The following MAGI2 variants were observed in gnomAD, a reference collection of about 807,000 sequenced individuals.
MAGI2 encodes membrane associated guanylate kinase, WW and PDZ domain containing 2.
In MAGI2, 35 loss-of-function variants were observed where a neutral mutation model predicts 133.3. The ratio of observed to expected loss-of-function variants is 0.26; its 90% CI spans 0.20 to 0.35. The LOEUF (loss-of-function observed/expected upper bound fraction) is 0.35. MAGI2 is among the 10% of genes least tolerant of loss of function. MAGI2 has a pLI of 1.00. For synonymous variants in MAGI2, 729 were observed against 710.6 expected (o/e 1.03, Z -0.41); for missense variants, 1,636 against 1,863.4 (o/e 0.88, Z 2.25).
At chr7:78,269,473 A>T (rs886075833) in intron 9 of MAGI2, among the ~76,000 whole-genome samples, 1 of 152,210 alleles carries the variant, frequency 6.6e-6, no homozygotes, top group East Asian at 1.9e-4. Context: ...AATGATTGCC[A>T]TTCTAACTGG....
chr7:78,542,304 A>C (rs1331052181), intron 3 of MAGI2, among the ~76,000 whole-genome samples: 2 of 152,138 alleles, frequency 1.3e-5, no homozygotes, highest in Non-Finnish European at 2.9e-5. Flanking sequence ...TGATTTTTAA[A>C]TTTTTCATTA....
intron 9 of MAGI2, among the ~76,000 whole-genome samples, chr7:78,278,457 C>T (rs1453224358): frequency 6.6e-6 from 1 of 152,070 alleles, no homozygotes; most frequent in East Asian, 1.9e-4. Flanking sequence ...TGAAATAATA[C>T]AAGTTAAAGA....
chr7:78,258,456 C>T (rs1459014066), intron 9 of MAGI2, among the ~76,000 whole-genome samples: 4 of 152,146 alleles, frequency 2.6e-5, no homozygotes, highest in Non-Finnish European at 5.9e-5. Flanking sequence ...ATGATTGGAA[C>T]ATTGCTCATA....
intron 20 of MAGI2, among the ~76,000 whole-genome samples, chr7:78,084,792 C>T (rs911224703): frequency 1.2e-4 from 19 of 152,180 alleles, no homozygotes; most frequent in African/African-American, 4.3e-4. Context: ...GATGCCTGTG[C>T]CCTAATGGCC....
chr7:78,412,504 G>A lies in MAGI2; in HGVS notation c.1046-43291C>T, dbSNP rs548118541. On this transcript the variant is annotated intron_variant, in intron 6 of 21. Transcript: ENST00000354212. ...GAGCTGGAGTTTAGATGTTAGAAAG[G>A]AAGGATAAAGTAACAAGTAATGAAA... Among the ~76,000 whole-genome samples the A allele has an allele frequency of 8.5e-5, 13 of 152,162 alleles. No individual in the cohort carries two copies. In the South Asian group the frequency reaches 2.5e-3, roughly 29 times the overall value.
At chr7:78,753,650 C>T (rs1163839799) in intron 2 of MAGI2, among the ~76,000 whole-genome samples, 5 of 151,840 alleles carry the variant, frequency 3.3e-5, no homozygotes, top group Admixed American at 3.3e-4. Flanking sequence ...TCAAATCAAA[C>T]TAACTGATTA....
chr7:79,386,265 A>C (rs932481275), intron 1 of MAGI2, among the ~76,000 whole-genome samples: 2 of 152,084 alleles, frequency 1.3e-5, no homozygotes, highest in African/African-American at 4.8e-5. Context: ...ATAGATATGC[A>C]TTTAACAAAT....
intron 10 of MAGI2, among the ~76,000 whole-genome samples, chr7:78,234,643 T>TG (rs879895990): frequency 0.39 from 43,834 of 112,402 alleles, 7,501 homozygotes; most frequent in Admixed American, 0.48. Flanking sequence ...ATAATGAATA[T>TG]ATTTCATATT....
chr7:78,731,195 T>G (rs1821339832), intron 2 of MAGI2, among the ~76,000 whole-genome samples: 2 of 152,162 alleles, frequency 1.3e-5, no homozygotes, highest in Admixed American at 1.3e-4. Context: ...AATAAGAGTG[T>G]ATTTATAGAG....
At chr7:78,442,810 C>G (rs1787758739) in intron 6 of MAGI2, among the ~76,000 whole-genome samples, 1 of 152,134 alleles carries the variant, frequency 6.6e-6, no homozygotes, top group Non-Finnish European at 1.5e-5. Flanking sequence ...ATTTGGTATT[C>G]ACTGTTTTTG....
chr7:79,024,499 A>AT (rs1762693968), intron 1 of MAGI2, among the ~76,000 whole-genome samples: 1 of 148,460 alleles, frequency 6.7e-6, no homozygotes, highest in African/African-American at 2.5e-5. Flanking sequence ...TAATTAAACC[A>AT]AAGAGCTTCT....
chr7:78,131,872 T>C (rs1324139340), intron 18 of MAGI2, among the ~76,000 whole-genome samples: 2 of 152,220 alleles, frequency 1.3e-5, no homozygotes, highest in East Asian at 3.9e-4. Context: ...TCAGTAAAAA[T>C]GCTAATTTAT....
At position 79,061,589 on chromosome 7, in the gene MAGI2, T is replaced by C. The variant is rs913973225; in HGVS notation, c.302-54383A>G. ...TGAAAAAGAAGAAAAAAAGAAGATG[T>C]GATGAAGATAGGGAATTATTAAAGA... On this transcript the variant is annotated intron_variant, in intron 1 of 21. Transcript: ENST00000354212. Among the ~76,000 whole-genome samples the C allele has an allele frequency of 1.2e-4, 18 of 151,982 alleles. 1 individual carries two copies. The highest frequency in any genetic ancestry group is 4.1e-4 in the South Asian group (2 of 4,828).
intron 2 of MAGI2, among the ~76,000 whole-genome samples, chr7:78,819,228 C>T (rs909441337): frequency 6.6e-6 from 1 of 152,034 alleles, no homozygotes; most frequent in East Asian, 1.9e-4. Context: ...CAAAGTGTTC[C>T]TTTCATAAGG....
intron 1 of MAGI2, among the ~76,000 whole-genome samples, chr7:79,104,396 C>T (rs1374705283): frequency 1.3e-5 from 2 of 152,096 alleles, no homozygotes; most frequent in African/African-American, 4.8e-5. Flanking sequence ...AGGCCGGGCG[C>T]CGTGGCTCTT....
chr7:79,319,325 G>A (rs1258360660), intron 1 of MAGI2, among the ~76,000 whole-genome samples: 1 of 152,130 alleles, frequency 6.6e-6, no homozygotes, highest in Admixed American at 6.6e-5. Context: ...TCTATGGCAT[G>A]ACTATTTCAG....
chr7:78,383,634 TTC>T (rs1795122325), intron 6 of MAGI2, among the ~76,000 whole-genome samples: 1 of 152,116 alleles, frequency 6.6e-6, no homozygotes. Flanking sequence ...TTTGTTTTTG[TTC>T]TCTGTGCTTT....
intron 2 of MAGI2, among the ~76,000 whole-genome samples, chr7:78,963,448 C>T (rs568880617): frequency 7.2e-5 from 11 of 151,972 alleles, no homozygotes; most frequent in African/African-American, 1.9e-4. Flanking sequence ...GTAGAAAATG[C>T]GTGAGATCTG....
At chr7:78,051,020 C>T (rs1330032744) in intron 21 of MAGI2, among the ~76,000 whole-genome samples, 1 of 152,242 alleles carries the variant, frequency 6.6e-6, no homozygotes, top group Non-Finnish European at 1.5e-5. Context: ...GGCCAACCCC[C>T]ACCTGGAGCA....
Sources: allele counts gnomAD v4.1 joint callset (sites outside exome capture counted in the v4.1 genomes callset), GRCh38; gene constraint gnomAD v4.1.1; transcripts MANE v1.5; gene names NCBI Gene and HGNC (gene_info 2026-07-23, HGNC 2026-07-21).